The following GRID2 variants were observed in gnomAD, a reference collection of about 807,000 sequenced individuals.
GRID2 encodes the protein glutamate receptor ionotropic, delta-2.
GRID2 carries 33 observed loss-of-function variants against 114.8 expected under a neutral mutation model. The ratio of observed to expected loss-of-function variants is 0.29; its 90% CI spans 0.22 to 0.38. The LOEUF is 0.38. GRID2 is among the 10% of genes least tolerant of loss of function. The pLI, the probability that GRID2 is intolerant of heterozygous loss-of-function variation, is 1.00. For missense variants in GRID2, 1,184 were observed against 1,257.7 expected (o/e 0.94, Z 0.89); for synonymous variants, 505 against 449.9 (o/e 1.12, Z -1.55).
intron 1 of GRID2, among the ~76,000 whole-genome samples, chr4:92,570,083 A>G (rs1220082380): frequency 1.3e-5 from 2 of 151,818 alleles, no homozygotes; most frequent in Non-Finnish European, 2.9e-5. Flanking sequence ...GGGTTTGTTT[A>G]GTTTACCACT....
chr4:92,342,610 C>G (rs1727556125), intron 1 of GRID2, among the ~76,000 whole-genome samples: 1 of 152,178 alleles, frequency 6.6e-6, no homozygotes, highest in Non-Finnish European at 1.5e-5. Context: ...ATTCATTAAA[C>G]AAAATCTGAT....
intron 14 of GRID2, among the ~76,000 whole-genome samples, chr4:93,662,566 C>G (rs1723593242): frequency 6.6e-6 from 1 of 151,956 alleles, no homozygotes; most frequent in African/African-American, 2.4e-5. Context: ...AGACACAGCT[C>G]AAAACTCTTG....
At chr4:92,612,863 T>C (rs958952132) in intron 2 of GRID2, among the ~76,000 whole-genome samples, 1 of 151,486 alleles carries the variant, frequency 6.6e-6, no homozygotes, top group African/African-American at 2.4e-5. Context: ...GATCATGTTA[T>C]GCAAATAAAT....
At chr4:93,784,808 A>G (rs1222807667) in intron 1 of GRID2, among the ~76,000 whole-genome samples, 2 of 152,188 alleles carry the variant, frequency 1.3e-5, no homozygotes, top group Non-Finnish European at 2.9e-5. Context: ...TATTACAGAA[A>G]CTGAAAGAAG....
intron 2 of GRID2, among the ~76,000 whole-genome samples, chr4:92,977,969 CAG>C (rs1167189880): frequency 6.6e-6 from 1 of 152,128 alleles, no homozygotes; most frequent in Non-Finnish European, 1.5e-5. Flanking sequence ...GCTGGAAGCT[CAG>C]AGACAGGGAA....
At chr4:93,611,625 TTGAG>T (rs1740927983) in intron 13 of GRID2, among the ~76,000 whole-genome samples, 1 of 133,260 alleles carries the variant, frequency 7.5e-6, no homozygotes, top group Non-Finnish European at 1.5e-5. Context: ...TTGAGCGGCT[TTGAG>T]TGAGATTCTT....
chr4:92,564,424 CA>C (rs1727239969), intron 1 of GRID2, among the ~76,000 whole-genome samples: 1 of 151,860 alleles, frequency 6.6e-6, no homozygotes, highest in African/African-American at 2.4e-5. Flanking sequence ...TAGTACAAAT[CA>C]AGGTTGATAG....
At chr4:92,954,232 CACAT>C (rs1752228060) in intron 2 of GRID2, among the ~76,000 whole-genome samples, 1 of 151,832 alleles carries the variant, frequency 6.6e-6, no homozygotes, top group African/African-American at 2.4e-5. Context: ...CATATACACA[CACAT>C]ATATATATAC....
chr4:92,806,429 C>T (rs1740419808), intron 2 of GRID2, among the ~76,000 whole-genome samples: 1 of 151,822 alleles, frequency 6.6e-6, no homozygotes, highest in Non-Finnish European at 1.5e-5. Context: ...CATAGGTGTT[C>T]TTCCTCCATT....
At chr4:93,401,939 T>A (rs1038927522) in intron 9 of GRID2, among the ~76,000 whole-genome samples, 2 of 147,628 alleles carry the variant, frequency 1.4e-5, no homozygotes, top group Non-Finnish European at 3.0e-5. Context: ...TTTTTTTTTT[T>A]ATGGAGATTG....
At chr4:93,746,968 T>A (rs1731895570) in intron 14 of GRID2, among the ~76,000 whole-genome samples, 1 of 152,078 alleles carries the variant, frequency 6.6e-6, no homozygotes, top group Non-Finnish European at 1.5e-5. Flanking sequence ...ACTCTTGTCT[T>A]TTTGGTATGT....
intron 8 of GRID2, among the ~76,000 whole-genome samples, chr4:93,357,375 TA>T (rs1761441811): frequency 6.6e-6 from 1 of 151,532 alleles, no homozygotes; most frequent in Non-Finnish European, 1.5e-5. Context: ...ATTTAATTAT[TA>T]ACTCCATGAA....
intron 4 of GRID2, among the ~76,000 whole-genome samples, chr4:93,151,440 G>A (rs113010690): frequency 0.026 from 3,976 of 150,588 alleles, 146 homozygotes; most frequent in African/African-American, 0.079. Context: ...TCCTTCAACA[G>A]GCTCAAACTT....
intron 2 of GRID2, among the ~76,000 whole-genome samples, chr4:92,855,200 T>C (rs1744090580): frequency 6.6e-6 from 1 of 152,070 alleles, no homozygotes; most frequent in Non-Finnish European, 1.5e-5. Flanking sequence ...CACTGTAGTG[T>C]AAAGATGACT....
rs114802987 is a variant in GRID2, at chr4:93,549,912, C to T, written c.2193+34501C>T. Among the ~76,000 whole-genome samples the T allele has an allele frequency of 4.2e-3, 634 of 152,230 alleles. 10 individuals carry two copies. The highest frequency in any genetic ancestry group is 0.015 in the African/African-American group (616 of 41,542). ...ACACTAACTTGTAGTCAAACTACTA[C>T]TCTGCTTCTTGCTTACCCTGCAACT... is the stretch of plus-strand genomic sequence containing the variant. On this transcript the variant is annotated intron_variant, in intron 13 of 15. Transcript: ENST00000282020.
intron 14 of GRID2, among the ~76,000 whole-genome samples, chr4:93,758,521 AG>A (rs1183001776): frequency 6.6e-6 from 1 of 152,040 alleles, no homozygotes; most frequent in Non-Finnish European, 1.5e-5. Flanking sequence ...TCAACTTTTT[AG>A]AAGTTTAGAA....
At chr4:92,484,871 T>A (rs1328927748) in intron 1 of GRID2, among the ~76,000 whole-genome samples, 2 of 152,186 alleles carry the variant, frequency 1.3e-5, no homozygotes, top group African/African-American at 4.8e-5. Context: ...TTATGCATTA[T>A]AATTTCTCAT....
chr4:93,647,740 G>A (rs1310689448), intron 14 of GRID2, among the ~76,000 whole-genome samples: 1 of 152,088 alleles, frequency 6.6e-6, no homozygotes, highest in East Asian at 1.9e-4. Context: ...ATGTTGGAAG[G>A]TATACTATAC....
intron 2 of GRID2, among the ~76,000 whole-genome samples, chr4:92,750,508 G>C (rs2149338314): frequency 6.6e-6 from 1 of 152,250 alleles, no homozygotes; most frequent in Non-Finnish European, 1.5e-5. Flanking sequence ...GAATTTAAGA[G>C]AATGTGTGCT....
Sources: gnomAD v4.1 joint callset for allele counts (sites outside exome capture counted in the v4.1 genomes callset) on GRCh38, gnomAD v4.1.1 for gene constraint, MANE v1.5 for transcripts, NCBI Gene and HGNC (gene_info 2026-07-23, HGNC 2026-07-21) for gene names.